MPND: variants seen among roughly 807,000 people sequenced by gnomAD.
The protein encoded by MPND is MPN domain containing, also known as MPN domain-containing protein.
A neutral mutation model predicts 59.2 loss-of-function variants in MPND; 56 were observed. The observed-to-expected ratio is 0.95, with a 90% CI of 0.76 to 1.18. MPND has a LOEUF of 1.18. Ranked by LOEUF, MPND falls within the 50% of genes most tolerant of loss-of-function variation. MPND has a pLI of 0.00. For missense variants in MPND, 671 were observed against 676.0 expected (o/e 0.99, Z 0.08); for synonymous variants, 323 against 291.9 (o/e 1.11, Z -1.09).
At chr19:4,349,487 A>T (rs779852474) in intron 3 of MPND, among the ~76,000 whole-genome samples, 1 of 149,630 alleles carries the variant, frequency 6.7e-6, no homozygotes, top group Non-Finnish European at 1.5e-5. Flanking sequence ...GAGGCTGCCG[A>T]GTCCTCAGTG....
intron 3 of MPND, among the ~76,000 whole-genome samples, chr19:4,346,208 A>G (rs960720196): frequency 2.0e-5 from 3 of 152,144 alleles, no homozygotes; most frequent in African/African-American, 2.4e-5. Flanking sequence ...AGCAAGTTGA[A>G]GGGAAGAGCT....
Position 4,359,228 on chromosome 19 carries a change from G to GGAGCACACCTACCTCGACAAGCTTAA in MPND, c.1394_1419dup (p.Ile474SerfsTer?). The GGAGCACACCTACCTCGACAAGCTTAA allele has an allele frequency of 6.2e-7, 1 of 1,613,330 alleles. No individual in the cohort carries two copies. The highest frequency in any genetic ancestry group is 8.5e-7 in the Non-Finnish European group (1 of 1,179,720). On this transcript the variant is annotated frameshift_variant, in exon 12 of 13. Transcript: ENST00000599840. LOFTEE classifies it high-confidence loss of function. Reference sequence around the variant, plus strand: ...TGAGGCTCCAGGAACCCTGGAGCCAGGAGCACACCTACCTCGACAAGCTTA... The same window carrying GGAGCACACCTACCTCGACAAGCTTAA: ...TGAGGCTCCAGGAACCCTGGAGCCAGGAGCACACCTACCTCGACAAGCTTAAGAGCACACCTACCTCGACAAGCTTA...
rs1246187970 is a variant in MPND at position 4,354,084 on chromosome 19, G to A, written c.704G>A (p.Arg235Gln). ...GGGAAGCGGGTGGACAGCAAGATCCGGGTTCCGGTCCGCTACTGCATGCTG... is the reference window on the plus strand; with the variant it reads ...GGGAAGCGGGTGGACAGCAAGATCCAGGTTCCGGTCCGCTACTGCATGCTG... ...TPGKRVDSKIRVPVRYCMLGS... is the reference protein window; with the variant it reads ...TPGKRVDSKIQVPVRYCMLGS... Residue 235 changes from arginine to glutamine, a missense_variant, in exon 5 of 13, where the codon CGG (arginine) becomes CAG (glutamine). Arg to Gln is a conservative substitution (Grantham distance 43, BLOSUM62 1). Transcript: ENST00000599840. 5 of 1,613,262 alleles carry A rather than the reference G, an allele frequency of 3.1e-6. No homozygotes were observed. The highest frequency in any genetic ancestry group is 1.6e-4 in the Middle Eastern group (1 of 6,084).
At position 4,352,992 on chromosome 19, in the gene MPND, AC is replaced by A; in HGVS notation, c.629del (p.Pro210HisfsTer49). 1 of 1,364,390 alleles carries A rather than the reference AC, an allele frequency of 7.3e-7. No homozygotes were observed. Among genetic ancestry groups the A allele is most frequent in the South Asian group, 2.1e-5 (1 of 46,688 alleles). The allele number at this position is 1,364,390 out of a possible 1,614,324, so 84.5% of individuals were successfully genotyped here. ...TCTCAGCAGAGGACAAGAGTCGGAG[AC>A]CACTGGGGAAGAGCCCTTCAGAGCC... ...GVSAEDKSRR[P>X]LGKSPSEPAH... On this transcript the variant is annotated frameshift_variant, in exon 4 of 13. Coordinates refer to ENST00000599840, the MANE Select transcript of MPND (RefSeq NM_001300862.2). LOFTEE classifies it high-confidence loss of function.
At chr19:4,352,042 G>A (rs1354414466) in intron 3 of MPND, among the ~76,000 whole-genome samples, 1 of 149,012 alleles carries the variant, frequency 6.7e-6, no homozygotes, top group Non-Finnish European at 1.5e-5. Context: ...GCATGGTGGT[G>A]GGCAACTGTA....
At chr19:4,345,079 G>T (rs1436449711) in intron 2 of MPND, among the ~76,000 whole-genome samples, 1 of 111,420 alleles carries the variant, frequency 9.0e-6, no homozygotes, top group African/African-American at 3.6e-5. Flanking sequence ...ACAGAGTCTC[G>T]CGCTGTTGCC....
chr19:4,355,503 T>G (rs899754083), intron 8 of MPND, among the ~76,000 whole-genome samples: 1 of 151,926 alleles, frequency 6.6e-6, no homozygotes, highest in East Asian at 1.9e-4. Flanking sequence ...GCCCAGCTAA[T>G]TTTTTGTGTT....
rs768868745 is a variant in MPND at position 4,350,418 on chromosome 19, C to T, written c.532-2479C>T. Among the ~76,000 whole-genome samples, 8 of 151,946 alleles carry T rather than the reference C, an allele frequency of 5.3e-5. 1 individual carries two copies. In the South Asian group the frequency reaches 1.5e-3, roughly 28 times the overall value. On this transcript the variant is annotated intron_variant, in intron 3 of 12. Coordinates refer to ENST00000599840, the MANE Select transcript of MPND (RefSeq NM_001300862.2). ...AGGATCTGACTGAGGTGCTCACAGG[C>T]GTTCTCTGGTGGCTGCTGTGGGGAC...
At chr19:4,359,782 G>A in intron 12 of MPND, 134 bp from the exon 13 acceptor site, 1 of 654,862 alleles carries the variant, frequency 1.5e-6, no homozygotes, top group Non-Finnish European at 2.6e-6. Flanking sequence ...AGCAGGCTGT[G>A]CTGCGGGACC....
Position 4,359,959 on chromosome 19 carries a change from AC to A in MPND, c.1464del (p.His488GlnfsTer?), listed in dbSNP as rs778940933. On this transcript the variant is annotated frameshift_variant, in exon 13 of 13. Coordinates refer to ENST00000599840, the MANE Select transcript of MPND (RefSeq NM_001300862.2). LOFTEE classifies it high-confidence loss of function. ...ACGCCCAAGGACCAGAGCCTGTGTC[AC>A]GTCCTGGAACAGGTGTGCGGCGTCC... The part of the protein sequence containing the change: ...SRTPKDQSLC[H>X]VLEQVCGVLK... 6.3e-6 allele frequency: 10 copies of A among 1,574,926 alleles called. No individual in the cohort carries two copies. In the African/African-American group the frequency reaches 1.2e-4, roughly 19 times the overall value.
At chr19:4,347,156 CT>C (rs1012621680) in intron 3 of MPND, 6 of 149,540 alleles carry the variant, frequency 4.0e-5, no homozygotes, top group Non-Finnish European at 8.9e-5. Context: ...TTTTTTTTTT[CT>C]GTTTTTGCTG....
chr19:4,357,951 G>C (rs1324240094), intron 10 of MPND, 132 bp from the exon 11 acceptor site: 2 of 708,460 alleles, frequency 2.8e-6, no homozygotes, highest in Non-Finnish European at 2.4e-6. Context: ...CCACCACCAG[G>C]TGCCGATCCC....
chr19:4,349,347 A>T (rs1972262209), intron 3 of MPND, among the ~76,000 whole-genome samples: 1 of 151,962 alleles, frequency 6.6e-6, no homozygotes. Flanking sequence ...AAGTGCAGGG[A>T]TTACAGGCAT....
intron 11 of MPND, among the ~76,000 whole-genome samples, chr19:4,358,944 C>T (rs570655706): frequency 6.6e-6 from 1 of 152,184 alleles, no homozygotes; most frequent in Non-Finnish European, 1.5e-5. Flanking sequence ...CCTCTCGTGG[C>T]AGCCACTTGG....
At chr19:4,354,524 T>A in intron 6 of MPND, 104 bp downstream of exon 6, 1 of 950,508 alleles carries the variant, frequency 1.1e-6, no homozygotes, top group Non-Finnish European at 1.6e-6. Context: ...TGGGGCCTTG[T>A]CTGCTTTGTT....
Position 4,345,987 on chromosome 19 carries a change from T to G in MPND, c.531+6T>G. On this transcript the variant is annotated splice_donor_region_variant and intron_variant, in intron 3 of 12. Coordinates refer to ENST00000599840, the MANE Select transcript of MPND (RefSeq NM_001300862.2). ...CTGCCACGGCTGCTGATGAGGTACG[T>G]GCTGCAGCCTCCTCCAGGAAGCCGC... The G allele has an allele frequency of 6.2e-7, 1 of 1,607,158 alleles. No individual in the cohort carries two copies. The highest frequency in any genetic ancestry group is 8.5e-7 in the Non-Finnish European group (1 of 1,176,646).
rs1195407446 is a variant in MPND at position 4,354,023 on chromosome 19, A to T, written c.665-22A>T. On this transcript the variant is annotated intron_variant, in intron 4 of 12. Coordinates refer to ENST00000599840, the MANE Select transcript of MPND (RefSeq NM_001300862.2). ...TCTAACTTGGGCTGGGGAGGGACTG[A>T]CCCTGCCTTTTTCTCTCCCAGAGGC... 1.9e-6 allele frequency: 3 copies of T among 1,607,162 alleles called. No individual in the cohort carries two copies. The East Asian group carries it at 6.7e-5, about 36-fold the overall frequency.
Position 4,345,959 on chromosome 19 carries a change from C to T in MPND, c.509C>T (p.Thr170Met), listed in dbSNP as rs1478962192. The change falls in exon 3 of 13, where the codon ACG (threonine) becomes ATG (methionine). Residue 170 changes from threonine to methionine, a missense_variant. Transcript: ENST00000599840. The part of the protein sequence containing the change: ...ATWLRLHQLH[T>M]PATAADESPA... ...TGGCTCCGGCTGCACCAGCTGCACA[C>T]GCCTGCCACGGCTGCTGATGAGGTA... The T allele has an allele frequency of 1.6e-5, 25 of 1,612,218 alleles. No individual in the cohort carries two copies. Among genetic ancestry groups the T allele is most frequent in the African/African-American group, 2.7e-5 (2 of 74,928 alleles).
chr19:4,343,976 G>GATGGA lies in MPND; in HGVS notation c.276_277insATGGA (p.Leu93MetfsTer45), dbSNP rs767786218. On this transcript the variant is annotated frameshift_variant, in exon 2 of 13. Coordinates refer to ENST00000599840, the MANE Select transcript of MPND (RefSeq NM_001300862.2). LOFTEE classifies it high-confidence loss of function. ...CGCTGCTGGAGCCTGGCGCCGGGGT[G>GATGGA]CTGTCCATCTACTACCTGGTGAGCA... 1.8e-5 allele frequency: 25 copies of GATGGA among 1,381,032 alleles called. 1 individual carries two copies. The South Asian group carries it at 3.7e-4, about 20-fold the overall frequency. 85.5% of individuals were successfully genotyped at this position (1,381,032 alleles called of 1,614,324 possible). A position where few individuals can be genotyped will look rare whatever the true frequency, so the allele number is the denominator to read the frequency against.
Sources: gnomAD v4.1 joint callset for allele counts (sites outside exome capture counted in the v4.1 genomes callset) on GRCh38, gnomAD v4.1.1 for gene constraint, MANE v1.5 for transcripts, NCBI Gene and HGNC (gene_info 2026-07-23, HGNC 2026-07-21) for gene names.